SHISA8: variants seen among roughly 807,000 people sequenced by gnomAD.
The protein encoded by SHISA8 is protein shisa-8.
A neutral mutation model predicts 21.1 loss-of-function variants in SHISA8; 21 were observed. That is an observed-to-expected ratio of 0.99 (90% CI 0.71 to 1.43). The LOEUF (loss-of-function observed/expected upper bound fraction) is 1.43, where lower values mean the gene tolerates loss of function less well. Ranked by LOEUF, SHISA8 falls within the 40% of genes most tolerant of loss-of-function variation. SHISA8 has a pLI of 0.00. For synonymous variants in SHISA8, 300 were observed against 291.4 expected, an observed-to-expected ratio of 1.03 and a Z score of -0.30; for missense variants, 535 against 599.1, an observed-to-expected ratio of 0.89 and a Z score of 1.12.
rs1484763680 is a variant in SHISA8 at position 41,914,106 on chromosome 22, C to T, written c.530+32G>A. 3 of 1,377,894 alleles carry T rather than the reference C, an allele frequency of 2.2e-6. No individual in the cohort carries two copies. The highest frequency in any genetic ancestry group is 2.8e-6 in the Non-Finnish European group (3 of 1,073,712). 85.4% of individuals were successfully genotyped at this position (1,377,894 alleles called of 1,614,324 possible). On this transcript the variant is annotated intron_variant, in intron 1 of 3. Coordinates refer to ENST00000621082, the MANE Select transcript of SHISA8 (RefSeq NM_001207020.3). This position sits in a 1 kb window ranked among gnomAD's most constrained non-coding sequence, Gnocchi z 6.8. ...CGGGCAGGGAGAGCAGTCCGAGGAG[C>T]AGGCGGGGGTCCCTGGGCGGCGCGT...
Position 41,914,429 on chromosome 22 carries a change from G to C in SHISA8, c.239C>G (p.Ala80Gly). Residue 80 changes from alanine to glycine, a missense_variant, in exon 1 of 4, where the codon GCC becomes GGC. Transcript: ENST00000621082. This position sits in a 1 kb window ranked among gnomAD's most constrained non-coding sequence, Gnocchi z 6.8. ...WDPPFNCSSG[A>G]YSFCCGTCGY... is the part of the protein sequence containing the mutation. The stretch of plus-strand genomic sequence containing the variant: ...GCACGTGCCGCAGCAGAAGCTGTAG[G>C]CTCCGGAGCTGCAGTTGAAGGGCGG... 7.4e-7 allele frequency: 1 copy of C among 1,354,782 alleles called. No individual in the cohort carries two copies. The highest frequency in any genetic ancestry group is 3.0e-5 in the Admixed American group (1 of 33,486). The allele number at this position is 1,354,782 out of a possible 1,614,324, so 83.9% of individuals were successfully genotyped here.
chr22:41,910,498 C>G lies in SHISA8; in HGVS notation c.721G>C (p.Gly241Arg). Residue 241 changes from glycine to arginine, a missense_variant, in exon 3 of 4, where the codon GGC becomes CGC. By Grantham distance (125) the Gly-to-Arg change is moderately radical (BLOSUM62 -2). Transcript: ENST00000621082. This position sits in a 1 kb window ranked among gnomAD's most constrained non-coding sequence, Gnocchi z 6.8. ...RGSAAPGPPRGPRLQGGGSLT... is the reference protein window; with the variant it reads ...RGSAAPGPPRRPRLQGGGSLT... ...CTGCCGCCGCCCTGCAGCCGCGGGC[C>G]GCGCGGGGGCCCCGGGGCGGCCGAC... 7.9e-7 allele frequency: 1 copy of G among 1,259,044 alleles called. No homozygotes were observed. The highest frequency in any genetic ancestry group is 1.6e-5 in the African/African-American group (1 of 64,206). The allele number at this position is 1,259,044 out of a possible 1,614,324, so 78.0% of individuals were successfully genotyped here. A position where few individuals can be genotyped will look rare whatever the true frequency, so the allele number is the denominator to read the frequency against.
chr22:41,910,307 G>A lies in SHISA8; in HGVS notation c.811+101C>T. The A allele has an allele frequency of 8.1e-7, 1 of 1,240,548 alleles. No individual in the cohort carries two copies. 76.8% of individuals were successfully genotyped at this position (1,240,548 alleles called of 1,614,324 possible). On this transcript the variant is annotated intron_variant, in intron 3 of 3. Transcript: ENST00000621082. This position sits in a 1 kb window ranked among gnomAD's most constrained non-coding sequence, Gnocchi z 6.8. Reference sequence around the variant, plus strand: ...AGCCGATTGGCCGAGCGGCGGGCGCGCGGAACTGGGAATTTGGCGCTTGGA... The same window carrying A: ...AGCCGATTGGCCGAGCGGCGGGCGCACGGAACTGGGAATTTGGCGCTTGGA...
At chr22:41,911,180 T>C in intron 2 of SHISA8, 36 bp downstream of exon 2, 1 of 1,258,068 alleles carries the variant, frequency 7.9e-7, no homozygotes, top group Admixed American at 4.2e-5. Flanking sequence ...CTCCGCGTGC[T>C]CCGCCGCCGC....
In SHISA8 at chr22:41,914,849, C is replaced by T. The variant is rs1328578732; in HGVS notation, c.-182G>A. Among the ~76,000 whole-genome samples, 3 of 151,292 alleles carry T rather than the reference C, an allele frequency of 2.0e-5. No homozygotes were observed. The highest frequency in any genetic ancestry group is 6.6e-5 in the Admixed American group (1 of 15,200). On this transcript the variant is annotated 5_prime_UTR_variant, in exon 1 of 4. Coordinates refer to ENST00000621082, the MANE Select transcript of SHISA8 (RefSeq NM_001207020.3). This position sits in a 1 kb window ranked among gnomAD's most constrained non-coding sequence, Gnocchi z 6.8. ...GGTCTGGAGCTCCGAGGCCGCACCT[C>T]CGGTGGGCGCGTCCTCCGCCCGGGC...
Position 41,914,131 on chromosome 22 carries a change from T to A in SHISA8, c.530+7A>T. 7.1e-7 allele frequency: 1 copy of A among 1,408,692 alleles called. No homozygotes were observed. The allele number at this position is 1,408,692 out of a possible 1,614,324, so 87.3% of individuals were successfully genotyped here. Reference sequence around the variant, plus strand: ...CAGGCGGGGGTCCCTGGGCGGCGCGTGCTCACCTGGTCACTGTGCGCCGCG... The same window carrying A: ...CAGGCGGGGGTCCCTGGGCGGCGCGAGCTCACCTGGTCACTGTGCGCCGCG... On this transcript the variant is annotated splice_region_variant and intron_variant, in intron 1 of 3. Coordinates refer to ENST00000621082, the MANE Select transcript of SHISA8 (RefSeq NM_001207020.3). The surrounding 1 kb of genome is among the most constrained non-coding windows in gnomAD (Gnocchi z 6.8).
chr22:41,914,645 C>T lies in SHISA8; in HGVS notation c.23G>A (p.Gly8Glu). ...GGGAGGACGGCGGCCGCCGAGCAGT[C>T]CCCGCGCCCCGGCCCGCGCCATCGG... MARAGAR[G>E]LLGGRRPPGL... The change falls in exon 1 of 4, where the codon GGA (glycine) becomes GAA (glutamate). Residue 8 changes from glycine to glutamate, a missense_variant. Transcript: ENST00000621082. The surrounding 1 kb of genome is among the most constrained non-coding windows in gnomAD (Gnocchi z 6.8). 3 of 1,024,006 alleles carry T rather than the reference C, an allele frequency of 2.9e-6. No homozygotes were observed. The highest frequency in any genetic ancestry group is 4.7e-4 in the Middle Eastern group (1 of 2,106). The allele number at this position is 1,024,006 out of a possible 1,614,324, so 63.4% of individuals were successfully genotyped here.
In SHISA8 at chr22:41,909,670, CTG is replaced by C; in HGVS notation, c.*93_*94del. 1 of 1,323,580 alleles carries C rather than the reference CTG, an allele frequency of 7.6e-7. No individual in the cohort carries two copies. The highest frequency in any genetic ancestry group is 2.1e-5 in the South Asian group (1 of 48,174). The allele number at this position is 1,323,580 out of a possible 1,614,324, so 82.0% of individuals were successfully genotyped here. A position where few individuals can be genotyped will look rare whatever the true frequency, so the allele number is the denominator to read the frequency against. On this transcript the variant is annotated 3_prime_UTR_variant, in exon 4 of 4. Transcript: ENST00000621082. ...ACTGCCGTTGAGGCAGACAGAAGAG[CTG>C]GCCTTACGGCAGGCGCTCCTCTCCC...
chr22:41,912,564 C>G (rs745687057), intron 1 of SHISA8, among the ~76,000 whole-genome samples: 2 of 152,170 alleles, frequency 1.3e-5, no homozygotes, highest in Non-Finnish European at 2.9e-5. Context: ...TGGGCCTTTG[C>G]ACAAACTCTT....
intron 1 of SHISA8, among the ~76,000 whole-genome samples, chr22:41,912,544 A>G (rs943487592): frequency 6.6e-6 from 1 of 151,972 alleles, no homozygotes; most frequent in Non-Finnish European, 1.5e-5. Context: ...CTGAGTAACC[A>G]CCACGCCTCT....
rs976460006 is a variant in SHISA8, at chr22:41,910,992, C to A, written c.664+224G>T. Among the ~76,000 whole-genome samples the A allele has an allele frequency of 2.6e-5, 4 of 152,166 alleles. No homozygotes were observed. The highest frequency in any genetic ancestry group is 2.1e-4 in the South Asian group (1 of 4,828). ...CGGCCAGCAAATCCTGCATCTGGAA[C>A]CTTCCTCACACATCACAGCCCCCCA... On this transcript the variant is annotated intron_variant, in intron 2 of 3. Coordinates refer to ENST00000621082, the MANE Select transcript of SHISA8 (RefSeq NM_001207020.3). This position sits in a 1 kb window ranked among gnomAD's most constrained non-coding sequence, Gnocchi z 6.8.
rs1309184761 is a variant in SHISA8, at chr22:41,914,248, C to T, written c.420G>A (p.Thr140=). ...PRDPGRERSH[T]AVYAVCGVAA... ...CGACGCCGCACACAGCGTAGACGGC[C>T]GTATGGCTGCGCTCGCGGCCGGGGT... is the stretch of plus-strand genomic sequence containing the variant. Residue 140 remains threonine (T), a synonymous_variant, in exon 1 of 4, where the codon ACG becomes ACA. Transcript: ENST00000621082. This position sits in a 1 kb window ranked among gnomAD's most constrained non-coding sequence, Gnocchi z 6.8. The T allele has an allele frequency of 3.0e-6, 4 of 1,333,912 alleles. No homozygotes were observed. Among genetic ancestry groups the T allele is most frequent in the African/African-American group, 3.1e-5 (2 of 64,910 alleles). The allele number at this position is 1,333,912 out of a possible 1,614,324, so 82.6% of individuals were successfully genotyped here. A position where few individuals can be genotyped will look rare whatever the true frequency, so the allele number is the denominator to read the frequency against.
At chr22:41,912,855 G>C (rs553280135) in intron 1 of SHISA8, among the ~76,000 whole-genome samples, 64 of 152,352 alleles carry the variant, frequency 4.2e-4, no homozygotes, top group African/African-American at 1.4e-3. Flanking sequence ...TCCCCAGCAG[G>C]TGCAGGGAGT....
intron 1 of SHISA8, among the ~76,000 whole-genome samples, chr22:41,913,057 C>A (rs1374582104): frequency 6.6e-6 from 1 of 152,272 alleles, no homozygotes; most frequent in African/African-American, 2.4e-5. Context: ...CCAGGAGGCT[C>A]CACCTCCTGA....
rs2077534934 is a variant in SHISA8 at position 41,909,827 on chromosome 22, C to T, written c.1132G>A (p.Gly378Ser). The T allele has an allele frequency of 1.3e-6, 2 of 1,522,154 alleles. No homozygotes were observed. Among genetic ancestry groups the T allele is most frequent in the Non-Finnish European group, 8.8e-7 (1 of 1,140,726 alleles). The allele number at this position is 1,522,154 out of a possible 1,614,324, so 94.3% of individuals were successfully genotyped here. The change falls in exon 4 of 4, where the codon GGC (glycine) becomes AGC (serine). Residue 378 changes from glycine (G) to serine (S), a missense_variant. By Grantham distance (56) the Gly-to-Ser change is moderately conservative. Transcript: ENST00000621082. ...TACCGGGACCCGCGGCCCGCGCTGC[C>T]GTAAAGGCCGGGGAGCTGCGGGTTG... ...TFNPQLPGLY[G>S]SAGRGSRYLR... is the part of the protein sequence containing the mutation.
chr22:41,914,296 G>C lies in SHISA8; in HGVS notation c.372C>G (p.Ala124=), dbSNP rs2077570918. ...WVQTGRPPAR[A]RDTAAPRDPG... is the part of the protein sequence containing the mutation. ...GGTCCCGGGGCGCTGCGGTGTCGCG[G>C]GCGCGGGCGGGCGGCCGGCCTGTCT... Residue 124 remains alanine (A), a synonymous_variant, in exon 1 of 4, where the codon GCC becomes GCG. Transcript: ENST00000621082. The surrounding 1 kb of genome is among the most constrained non-coding windows in gnomAD (Gnocchi z 6.8). 8.0e-7 allele frequency: 1 copy of C among 1,251,922 alleles called. No homozygotes were observed. Among genetic ancestry groups the C allele is most frequent in the African/African-American group, 1.6e-5 (1 of 64,104 alleles). 77.6% of individuals were successfully genotyped at this position (1,251,922 alleles called of 1,614,324 possible).
Position 41,909,929 on chromosome 22 carries a change from CCGT to C in SHISA8, c.1027_1029del (p.Thr343del). On this transcript the variant is annotated inframe_deletion, in exon 4 of 4. Coordinates refer to ENST00000621082, the MANE Select transcript of SHISA8 (RefSeq NM_001207020.3). The stretch of plus-strand genomic sequence containing the variant: ...CGCCGGGGTACCTGGAAGGCCCGAG[CCGT>C]CGGGTGGCTGAGCGGGGCGGGCCGG... 1 of 1,521,264 alleles carries C rather than the reference CCGT, an allele frequency of 6.6e-7. No individual in the cohort carries two copies. Among genetic ancestry groups the C allele is most frequent in the Non-Finnish European group, 8.8e-7 (1 of 1,140,622 alleles). The allele number at this position is 1,521,264 out of a possible 1,614,324, so 94.2% of individuals were successfully genotyped here.
rs2077540968 is a variant in SHISA8, at chr22:41,910,356, C to T, written c.811+52G>A. ...GAGCTGCGGCCCCGCGCTTCGCAGT[C>T]CGGGAGCTCGTGCGCCCAGGTGCCC... is the stretch of plus-strand genomic sequence containing the variant. On this transcript the variant is annotated intron_variant, in intron 3 of 3. Coordinates refer to ENST00000621082, the MANE Select transcript of SHISA8 (RefSeq NM_001207020.3). The surrounding 1 kb of genome is among the most constrained non-coding windows in gnomAD (Gnocchi z 6.8). 2.4e-6 allele frequency: 3 copies of T among 1,267,082 alleles called. No homozygotes were observed. The highest frequency in any genetic ancestry group is 3.0e-6 in the Non-Finnish European group (3 of 1,007,924). 78.5% of individuals were successfully genotyped at this position (1,267,082 alleles called of 1,614,324 possible). A position where few individuals can be genotyped will look rare whatever the true frequency, so the allele number is the denominator to read the frequency against.
At position 41,909,895 on chromosome 22, in the gene SHISA8, T is replaced by A; in HGVS notation, c.1064A>T (p.His355Leu). 1.3e-6 allele frequency: 2 copies of A among 1,527,748 alleles called. No individual in the cohort carries two copies. The highest frequency in any genetic ancestry group is 1.4e-5 in the African/African-American group (1 of 72,354). The allele number at this position is 1,527,748 out of a possible 1,614,324, so 94.6% of individuals were successfully genotyped here. A position where few individuals can be genotyped will look rare whatever the true frequency, so the allele number is the denominator to read the frequency against. ...CACACTGAACTGGCGCCGGGCCGCG[T>A]GCCCGGGTCGCCGGGGTACCTGGAA... ...RAFQVPRRPG[H>L]AARRQFSVKM... Residue 355 changes from histidine to leucine, a missense_variant, in exon 4 of 4, where the codon CAC (histidine) becomes CTC (leucine). Physicochemically the swap from His to Leu is moderately conservative, Grantham distance 99. Coordinates refer to ENST00000621082, the MANE Select transcript of SHISA8 (RefSeq NM_001207020.3).
Sources: allele counts gnomAD v4.1 joint callset (sites outside exome capture counted in the v4.1 genomes callset), GRCh38; gene constraint gnomAD v4.1.1; non-coding constraint Gnocchi (gnomAD v3.1); transcripts MANE v1.5; gene names NCBI Gene and HGNC (gene_info 2026-07-23, HGNC 2026-07-21).